Variants in FBXO16 observed in about 807,000 individuals in gnomAD.
FBXO16 encodes F-box only protein 16.
A neutral mutation model predicts 41.0 loss-of-function variants in FBXO16; 31 were observed. The observed-to-expected ratio is 0.76, with a 90% CI of 0.57 to 1.02. The LOEUF is 1.02. Among genes scored for constraint, FBXO16 ranks in the 50% least tolerant of loss-of-function variants. The pLI is 0.00. For missense variants in FBXO16, 361 were observed against 346.2 expected (o/e 1.04, Z -0.34); for synonymous variants, 133 against 117.8 (o/e 1.13, Z -0.84).
At chr8:28,468,246 C>G (rs1344006387) in intron 3 of FBXO16, among the ~76,000 whole-genome samples, 1 of 152,134 alleles carries the variant, frequency 6.6e-6, no homozygotes, top group Non-Finnish European at 1.5e-5. Context: ...CAATTCATTC[C>G]TGAAGGATGC....
At chr8:28,485,476 G>T (rs543052831) in intron 1 of FBXO16, among the ~76,000 whole-genome samples, 1 of 152,048 alleles carries the variant, frequency 6.6e-6, no homozygotes, top group Admixed American at 6.6e-5. Context: ...CCCGACCTTT[G>T]ATAATTTTTT....
At chr8:28,436,238 T>C (rs1802685404) in intron 7 of FBXO16, among the ~76,000 whole-genome samples, 1 of 152,164 alleles carries the variant, frequency 6.6e-6, no homozygotes. Context: ...CATCTAGGAA[T>C]TCTGGGGAAG....
chr8:28,464,865 G>A (rs2130160939), intron 3 of FBXO16, among the ~76,000 whole-genome samples: 1 of 152,216 alleles, frequency 6.6e-6, no homozygotes, highest in East Asian at 1.9e-4. Context: ...TGTTGGTCAG[G>A]CTGGTCTCGA....
At chr8:28,441,493 T>G (rs1015415198) in intron 7 of FBXO16, among the ~76,000 whole-genome samples, 2 of 152,282 alleles carry the variant, frequency 1.3e-5, no homozygotes, top group East Asian at 3.9e-4. Context: ...CCCAGCACTT[T>G]GGGAGGCCAA....
intron 2 of FBXO16, among the ~76,000 whole-genome samples, chr8:28,483,023 C>T (rs1803540532): frequency 6.6e-6 from 1 of 152,120 alleles, no homozygotes; most frequent in Non-Finnish European, 1.5e-5. Flanking sequence ...TGCCATGGAC[C>T]ACTCTCTCCT....
At chr8:28,470,651 G>C (rs909899730) in intron 3 of FBXO16, among the ~76,000 whole-genome samples, 1 of 152,186 alleles carries the variant, frequency 6.6e-6, no homozygotes, top group African/African-American at 2.4e-5. Flanking sequence ...GCAAGGAAGA[G>C]AGAATTTGGG....
intron 7 of FBXO16, among the ~76,000 whole-genome samples, chr8:28,444,326 G>A (rs140256822): frequency 0.045 from 6,211 of 139,096 alleles, 393 homozygotes; most frequent in African/African-American, 0.15. Flanking sequence ...TTTTTGAGAC[G>A]GAGTCTTGCT....
intron 5 of FBXO16, among the ~76,000 whole-genome samples, chr8:28,454,417 A>G (rs1033285779): frequency 6.6e-6 from 1 of 151,690 alleles, no homozygotes; most frequent in African/African-American, 2.4e-5. Context: ...CATAAATGCT[A>G]GTAGTTATAT....
chr8:28,457,805 T>C (rs1277898651), intron 4 of FBXO16, among the ~76,000 whole-genome samples: 1 of 152,234 alleles, frequency 6.6e-6, no homozygotes, highest in African/African-American at 2.4e-5. Context: ...ACTGATACTA[T>C]GTGATGTATA....
At position 28,465,227 on chromosome 8, in the gene FBXO16, C is replaced by A. The variant is rs141431199; in HGVS notation, c.136-1409G>T. 231 of 160,864 alleles carry A rather than the reference C, an allele frequency of 1.4e-3. 2 individuals carry two copies. The highest frequency in any genetic ancestry group is 4.8e-3 in the African/African-American group (200 of 41,544). The allele number at this position is 160,864 out of a possible 1,614,324, so 10.0% of individuals were successfully genotyped here. On this transcript the variant is annotated intron_variant, in intron 3 of 8. Transcript: ENST00000380254. ...TAAAGATCTAATTGGCTTTTATTAG[C>A]GATTCATGAATCAGGTAGCATCCCA...
Position 28,463,660 on chromosome 8 carries a change from T to C in FBXO16, c.294A>G (p.Leu98=). ...GAGGGTCCAGGAAAGAAAAGATGTA[T>C]AAAGATAACACCCTTGGAAGCTTGG... The part of the protein sequence containing the change: ...FTTKLPRVLS[L]YIFSFLDPRS... The change falls in exon 4 of 9, where the codon TTA becomes TTG. Residue 98 remains leucine (L), a synonymous_variant. Transcript: ENST00000380254. 4.3e-6 allele frequency: 7 copies of C among 1,614,194 alleles called. No homozygotes were observed. Among genetic ancestry groups the C allele is most frequent in the Non-Finnish European group, 5.9e-6 (7 of 1,180,034 alleles).
chr8:28,461,188 G>A (rs892416707), intron 4 of FBXO16, among the ~76,000 whole-genome samples: 1 of 151,598 alleles, frequency 6.6e-6, no homozygotes. Context: ...CTGTTGCTAG[G>A]ACAGACAATG....
intron 3 of FBXO16, among the ~76,000 whole-genome samples, chr8:28,469,712 A>C (rs1397614766): frequency 6.6e-6 from 1 of 151,650 alleles, no homozygotes; most frequent in African/African-American, 2.4e-5. Flanking sequence ...CACCAGCCTG[A>C]CAACATGGTG....
chr8:28,431,218 C>G lies in FBXO16; in HGVS notation c.844-1815G>C, dbSNP rs548730457. Among the ~76,000 whole-genome samples, 4 of 152,274 alleles carry G rather than the reference C, an allele frequency of 2.6e-5. No homozygotes were observed. The East Asian group carries it at 7.7e-4, about 29-fold the overall frequency. ...TCACCATGGCAGGCCCCAGGGCCTC[C>G]CCTGCTCTCCTCTCCTCTTGGTAGC... On this transcript the variant is annotated intron_variant, in intron 7 of 8. Coordinates refer to ENST00000380254, the MANE Select transcript of FBXO16 (RefSeq NM_172366.4).
intron 7 of FBXO16, among the ~76,000 whole-genome samples, chr8:28,443,031 T>A (rs1802805693): frequency 6.6e-6 from 1 of 151,426 alleles, no homozygotes; most frequent in African/African-American, 2.4e-5. Flanking sequence ...TACTTTTTTT[T>A]TTTTTTAGGT....
chr8:28,483,367 T>C lies in FBXO16; in HGVS notation c.80A>G (p.His27Arg). ...ACTTACCCGGTCATTCAATAGCTGATGGTTTAGGGGTGTCCAGGTGCTCAT... is the reference window on the plus strand; with the variant it reads ...ACTTACCCGGTCATTCAATAGCTGACGGTTTAGGGGTGTCCAGGTGCTCAT... The part of the protein sequence containing the change: ...TKMSTWTPLN[H>R]QLLNDRVFEE... The change falls in exon 2 of 9, where the codon CAT becomes CGT. Residue 27 changes from histidine (H) to arginine (R), a missense_variant. Physicochemically the swap from His to Arg is conservative, Grantham distance 29. Transcript: ENST00000380254. 1.2e-6 allele frequency: 2 copies of C among 1,613,002 alleles called. No homozygotes were observed. Among genetic ancestry groups the C allele is most frequent in the Non-Finnish European group, 1.7e-6 (2 of 1,179,656 alleles).
intron 1 of FBXO16, among the ~76,000 whole-genome samples, chr8:28,487,137 A>T (rs1489064635): frequency 6.6e-6 from 1 of 151,996 alleles, no homozygotes; most frequent in Non-Finnish European, 1.5e-5. Flanking sequence ...TCAGAACTAC[A>T]TGTCACTTAG....
intron 1 of FBXO16, among the ~76,000 whole-genome samples, chr8:28,487,578 G>C (rs543448017): frequency 7.9e-4 from 120 of 151,968 alleles, no homozygotes; most frequent in South Asian, 1.7e-3. Flanking sequence ...ATTTTTAGTA[G>C]AGATGCGGTT....
At chr8:28,486,330 T>A (rs531599750) in intron 1 of FBXO16, among the ~76,000 whole-genome samples, 2 of 151,610 alleles carry the variant, frequency 1.3e-5, no homozygotes, top group African/African-American at 4.8e-5. Flanking sequence ...GTTCAAGTGA[T>A]TCTCCTGCTT....
Sources: allele counts gnomAD v4.1 joint callset (sites outside exome capture counted in the v4.1 genomes callset), GRCh38; gene constraint gnomAD v4.1.1; transcripts MANE v1.5; gene names NCBI Gene and HGNC (gene_info 2026-07-23, HGNC 2026-07-21).